PCCA: variants seen among roughly 807,000 people sequenced by gnomAD.
PCCA encodes propionyl-CoA carboxylase subunit alpha.
A neutral mutation model predicts 101.3 loss-of-function variants in PCCA; 74 were observed. The observed-to-expected ratio is 0.73, with a 90% confidence interval of 0.61 to 0.89. The LOEUF (loss-of-function observed/expected upper bound fraction) is 0.89, where lower values mean the gene tolerates loss of function less well. Ranked by LOEUF, PCCA falls within the 40% of genes least tolerant of loss-of-function variation. The probability of loss-of-function intolerance (pLI) is 0.00; values close to 1 mark genes in which losing one functional copy is unlikely to be tolerated. For synonymous variants in PCCA, 294 were observed against 313.6 expected, an observed-to-expected ratio of 0.94 and a Z score of 0.66; for missense variants, 891 against 907.0, an observed-to-expected ratio of 0.98 and a Z score of 0.23.
intron 7 of PCCA, among the ~76,000 whole-genome samples, chr13:100,226,490 A>G (rs1205742335): frequency 6.6e-6 from 1 of 152,112 alleles, no homozygotes; most frequent in African/African-American, 2.4e-5. Context: ...ACCACTATCA[A>G]AATGTATGGG....
chr13:100,504,036 G>A (rs911999356), intron 21 of PCCA, among the ~76,000 whole-genome samples: 1 of 152,230 alleles, frequency 6.6e-6, no homozygotes, highest in African/African-American at 2.4e-5. Context: ...GAAGGGGAGT[G>A]GGATTAGATG....
Position 100,248,298 on chromosome 13 carries a change from G to A in PCCA, c.638-9297G>A, listed in dbSNP as rs118037993. Among the ~76,000 whole-genome samples the A allele has an allele frequency of 5.3e-3, 802 of 151,440 alleles. 3 individuals are homozygous for A. The highest frequency in any genetic ancestry group is 7.6e-3 in the Non-Finnish European group (519 of 67,856). On this transcript the variant is annotated intron_variant, in intron 8 of 23. Transcript: ENST00000376285. Reference sequence around the variant, plus strand: ...TCTTTCTTGGCTTCTTTTTGATGACGACTTTAAAAAAAATGTCTCTTGTTC... The same window carrying A: ...TCTTTCTTGGCTTCTTTTTGATGACAACTTTAAAAAAAATGTCTCTTGTTC...
intron 21 of PCCA, among the ~76,000 whole-genome samples, chr13:100,456,625 G>T (rs1180391975): frequency 4.0e-5 from 6 of 149,966 alleles, no homozygotes; most frequent in African/African-American, 1.5e-4. Context: ...CGTAGAACAG[G>T]GGGGCCCTTC....
intron 19 of PCCA, among the ~76,000 whole-genome samples, chr13:100,382,637 T>C (rs79989853): frequency 0.014 from 2,093 of 152,338 alleles, 50 homozygotes; most frequent in African/African-American, 0.048. Context: ...TAAATGGTTA[T>C]ATATGATAAC....
chr13:100,440,208 AT>A (rs1200144578), intron 20 of PCCA, among the ~76,000 whole-genome samples: 92 of 121,552 alleles, frequency 7.6e-4, no homozygotes, highest in Non-Finnish European at 1.2e-3. Flanking sequence ...ATATATATAT[AT>A]AAAACGTGAT....
intron 19 of PCCA, among the ~76,000 whole-genome samples, chr13:100,378,607 G>C (rs1567034507): frequency 6.6e-6 from 1 of 151,972 alleles, no homozygotes; most frequent in Non-Finnish European, 1.5e-5. Flanking sequence ...TATCATGAAA[G>C]CTTTCTTTAT....
chr13:100,321,424 T>C (rs1419324653), intron 16 of PCCA, among the ~76,000 whole-genome samples: 1 of 152,144 alleles, frequency 6.6e-6, no homozygotes, highest in East Asian at 1.9e-4. Flanking sequence ...TTCTTAGGTA[T>C]ATTGATGTCA....
At chr13:100,510,190 A>G (rs1017614358) in intron 21 of PCCA, among the ~76,000 whole-genome samples, 5 of 152,222 alleles carry the variant, frequency 3.3e-5, no homozygotes, top group East Asian at 1.9e-4. Flanking sequence ...GCAGAAAGCA[A>G]AGGTTTCAAA....
At chr13:100,285,513 T>C (rs1202210652) in intron 12 of PCCA, among the ~76,000 whole-genome samples, 1 of 152,138 alleles carries the variant, frequency 6.6e-6, no homozygotes, top group Non-Finnish European at 1.5e-5. Flanking sequence ...GTGGCCGTCT[T>C]AGTGTCAGAG....
intron 9 of PCCA, among the ~76,000 whole-genome samples, chr13:100,261,448 C>T (rs1223378186): frequency 6.6e-6 from 1 of 151,840 alleles, no homozygotes; most frequent in Non-Finnish European, 1.5e-5. Context: ...CCACCGTAGC[C>T]TCTGCTTCCC....
intron 4 of PCCA, among the ~76,000 whole-genome samples, chr13:100,148,948 C>T (rs2052940415): frequency 6.6e-6 from 1 of 152,030 alleles, no homozygotes; most frequent in African/African-American, 2.4e-5. Flanking sequence ...ATAAATATGT[C>T]TTGGTGCTAC....
intron 20 of PCCA, among the ~76,000 whole-genome samples, chr13:100,427,173 C>T (rs934379263): frequency 2.0e-5 from 3 of 152,178 alleles, no homozygotes; most frequent in Non-Finnish European, 1.5e-5. Context: ...GCCAGGATCA[C>T]GCCATTGCAC....
chr13:100,112,938 A>G (rs991571235), intron 4 of PCCA, among the ~76,000 whole-genome samples: 1 of 152,220 alleles, frequency 6.6e-6, no homozygotes, highest in African/African-American at 2.4e-5. Context: ...CCATGGGGAA[A>G]GAATGTAAAT....
intron 20 of PCCA, among the ~76,000 whole-genome samples, chr13:100,433,695 T>A (rs1297750191): frequency 6.6e-6 from 1 of 152,188 alleles, no homozygotes; most frequent in Non-Finnish European, 1.5e-5. Flanking sequence ...TAAACTCAGT[T>A]TGACCTCACA....
intron 21 of PCCA, among the ~76,000 whole-genome samples, chr13:100,475,097 G>A (rs2083316916): frequency 6.6e-6 from 1 of 151,916 alleles, no homozygotes; most frequent in South Asian, 2.1e-4. Context: ...GCCCAGGCTG[G>A]AGTGCAGTGG....
Position 100,112,002 on chromosome 13 carries a change from A to C in PCCA, c.241A>C (p.Thr81Pro). ...ATATATTTTAAAATAGGTTATTAGAACTTGCAAGAAGATGGGCATTAAGAC... is the reference window on the plus strand; with the variant it reads ...ATATATTTTAAAATAGGTTATTAGACCTTGCAAGAAGATGGGCATTAAGAC... ...RGEIACRVIR[T>P]CKKMGIKTVA... is the part of the protein sequence containing the mutation. The change falls in exon 4 of 24, where the codon ACT (threonine) becomes CCT (proline). Residue 81 changes from threonine (T) to proline (P), a missense_variant. By Grantham distance (38) the Thr-to-Pro change is conservative (BLOSUM62 -1). Transcript: ENST00000376285. The C allele has an allele frequency of 6.2e-7, 1 of 1,606,566 alleles. No individual in the cohort carries two copies. Among genetic ancestry groups the C allele is most frequent in the South Asian group, 1.1e-5 (1 of 90,806 alleles).
intron 4 of PCCA, among the ~76,000 whole-genome samples, chr13:100,115,957 A>G (rs1274642994): frequency 6.6e-6 from 1 of 152,204 alleles, no homozygotes; most frequent in African/African-American, 2.4e-5. Context: ...GAAAGATACT[A>G]TAAGTAAAAG....
intron 4 of PCCA, among the ~76,000 whole-genome samples, chr13:100,119,936 A>G (rs1412827378): frequency 6.6e-6 from 1 of 151,996 alleles, no homozygotes; most frequent in African/African-American, 2.4e-5. Context: ...CAATGGCGCA[A>G]TCTCAGCTCA....
intron 7 of PCCA, among the ~76,000 whole-genome samples, chr13:100,229,341 C>A (rs574614137): frequency 6.6e-6 from 1 of 152,162 alleles, no homozygotes; most frequent in South Asian, 2.1e-4. Flanking sequence ...AAAGACTTTC[C>A]TCCCCATCTA....
Sources: gnomAD v4.1 joint callset for allele counts (sites outside exome capture counted in the v4.1 genomes callset) on GRCh38, gnomAD v4.1.1 for gene constraint, MANE v1.5 for transcripts, NCBI Gene and HGNC (gene_info 2026-07-23, HGNC 2026-07-21) for gene names.